Variants in MALRD1 observed in about 807,000 individuals in gnomAD.
MALRD1 encodes MAM and LDL-receptor class A domain-containing protein 1.
MALRD1 carries 247 observed loss-of-function variants against 242.1 expected under a neutral mutation model. The ratio of observed to expected loss-of-function variants is 1.02; its 90% CI spans 0.92 to 1.13. MALRD1 has a LOEUF of 1.13. MALRD1 is among the 50% of genes most tolerant of loss of function. The pLI, the probability that MALRD1 is intolerant of heterozygous loss-of-function variation, is 0.00. For missense variants in MALRD1, 2,989 were observed against 2,533.1 expected, an observed-to-expected ratio of 1.18 and a Z score of -3.86; for synonymous variants, 995 against 866.6, an observed-to-expected ratio of 1.15 and a Z score of -2.60.
At chr10:19,250,315 C>CT (rs1421659794) in intron 18 of MALRD1, among the ~76,000 whole-genome samples, 1 of 151,874 alleles carries the variant, frequency 6.6e-6, no homozygotes, top group Non-Finnish European at 1.5e-5. Flanking sequence ...ATCAACCAGA[C>CT]TTTTTTCAAT....
intron 32 of MALRD1, among the ~76,000 whole-genome samples, chr10:19,532,567 A>T (rs1834467487): frequency 6.6e-6 from 1 of 152,144 alleles, no homozygotes. Flanking sequence ...CAAAAATATG[A>T]TATCTATTAC....
intron 18 of MALRD1, among the ~76,000 whole-genome samples, chr10:19,236,518 G>T (rs1040415023): frequency 6.6e-6 from 1 of 152,086 alleles, no homozygotes; most frequent in African/African-American, 2.4e-5. Flanking sequence ...ACTTGATAAG[G>T]TATCCCATTA....
At chr10:19,184,326 C>T (rs1835646244) in intron 14 of MALRD1, among the ~76,000 whole-genome samples, 1 of 152,186 alleles carries the variant, frequency 6.6e-6, no homozygotes, top group South Asian at 2.1e-4. Flanking sequence ...CTCCAGAGAG[C>T]AGAGCCAGTA....
chr10:19,330,697 C>T (rs1423506885), intron 23 of MALRD1, among the ~76,000 whole-genome samples: 1 of 152,080 alleles, frequency 6.6e-6, no homozygotes, highest in Non-Finnish European at 1.5e-5. Flanking sequence ...TTTGTAAAAG[C>T]ATTAATGATT....
chr10:19,691,172 C>T (rs1842803755), intron 36 of MALRD1, among the ~76,000 whole-genome samples: 1 of 152,102 alleles, frequency 6.6e-6, no homozygotes, highest in Non-Finnish European at 1.5e-5. Context: ...ACCCCAATCT[C>T]TCACAATTCT....
chr10:19,600,076 C>G (rs1442797792), intron 34 of MALRD1, among the ~76,000 whole-genome samples: 2 of 152,100 alleles, frequency 1.3e-5, no homozygotes, highest in Admixed American at 1.3e-4. Flanking sequence ...TACCTCCTTT[C>G]CAGTAGCGGT....
At chr10:19,693,928 T>C (rs1833232719) in intron 38 of MALRD1, among the ~76,000 whole-genome samples, 1 of 152,056 alleles carries the variant, frequency 6.6e-6, no homozygotes, top group Non-Finnish European at 1.5e-5. Flanking sequence ...ACCACACATC[T>C]ACAACCATCT....
intron 23 of MALRD1, among the ~76,000 whole-genome samples, chr10:19,330,765 A>G (rs1843326151): frequency 1.3e-5 from 2 of 152,150 alleles, no homozygotes; most frequent in South Asian, 4.1e-4. Flanking sequence ...GTGGGAAATC[A>G]TTGTCAAACA....
At chr10:19,728,114 G>A (rs1447810634) in intron 38 of MALRD1, among the ~76,000 whole-genome samples, 1 of 152,030 alleles carries the variant, frequency 6.6e-6, no homozygotes, top group Non-Finnish European at 1.5e-5. Context: ...CTTTAATCTA[G>A]GAAAAATAAA....
intron 28 of MALRD1, among the ~76,000 whole-genome samples, chr10:19,401,989 C>T (rs1051624236): frequency 7.9e-5 from 12 of 152,172 alleles, no homozygotes; most frequent in African/African-American, 2.9e-4. Context: ...AAGAATGAGA[C>T]TTACATGTAA....
chr10:19,182,324 ATTTTTTTTTTT>A (rs34790120), intron 14 of MALRD1, among the ~76,000 whole-genome samples: 1 of 81,960 alleles, frequency 1.2e-5, no homozygotes, highest in East Asian at 3.7e-4. Context: ...CAAAACCTAC[ATTTTTTTTTTT>A]TTTTTTTTTT....
chr10:19,250,610 A>G (rs187030292), intron 18 of MALRD1, among the ~76,000 whole-genome samples: 6 of 152,102 alleles, frequency 3.9e-5, no homozygotes, highest in South Asian at 2.1e-4. Context: ...ATGTGCCCCA[A>G]TTTTGGCCCT....
At chr10:19,126,006 T>G (rs966521425) in intron 7 of MALRD1, among the ~76,000 whole-genome samples, 4 of 152,098 alleles carry the variant, frequency 2.6e-5, no homozygotes, top group African/African-American at 9.6e-5. Flanking sequence ...GTTTTAAAAT[T>G]GTTCTCACTT....
chr10:19,126,233 G>A (rs1316283571), intron 7 of MALRD1, among the ~76,000 whole-genome samples: 6 of 151,924 alleles, frequency 3.9e-5, no homozygotes, highest in East Asian at 3.9e-4. Context: ...ATGAGTATAC[G>A]TTTAATTTTT....
chr10:19,065,324 G>C (rs1289572116), intron 1 of MALRD1, among the ~76,000 whole-genome samples: 2 of 137,050 alleles, frequency 1.5e-5, no homozygotes, highest in Non-Finnish European at 3.1e-5. Flanking sequence ...GAAAGAAAGA[G>C]AAAGAAAGCA....
At chr10:19,232,411 C>T (rs1435001662) in intron 18 of MALRD1, among the ~76,000 whole-genome samples, 1 of 151,342 alleles carries the variant, frequency 6.6e-6, no homozygotes, top group East Asian at 1.9e-4. Flanking sequence ...TTCCTGACTT[C>T]AAGTCATCCG....
chr10:19,468,748 G>A (rs1836350465), intron 29 of MALRD1, among the ~76,000 whole-genome samples: 1 of 151,990 alleles, frequency 6.6e-6, no homozygotes, highest in African/African-American at 2.4e-5. Context: ...TGTATCTCTA[G>A]TCTTTACAAG....
At chr10:19,593,836 G>C (rs7068320) in intron 33 of MALRD1, among the ~76,000 whole-genome samples, 2 of 152,138 alleles carry the variant, frequency 1.3e-5, no homozygotes, top group Non-Finnish European at 1.5e-5. Context: ...GTGGGCTTCA[G>C]TGTCTTCGTT....
intron 23 of MALRD1, among the ~76,000 whole-genome samples, chr10:19,330,682 T>G (rs936005246): frequency 6.6e-6 from 1 of 152,198 alleles, no homozygotes; most frequent in Non-Finnish European, 1.5e-5. Context: ...AAATTGAAGA[T>G]GGAATTTGTA....
Sources: allele counts gnomAD v4.1 joint callset (sites outside exome capture counted in the v4.1 genomes callset), GRCh38; gene constraint gnomAD v4.1.1; transcripts MANE v1.5; gene names NCBI Gene and HGNC (gene_info 2026-07-23, HGNC 2026-07-21).